GALNT13: variants seen among roughly 807,000 people sequenced by gnomAD.
GALNT13 encodes the protein UDP-GalNAc:polypeptide N-acetylgalactosaminyltransferase 13.
A neutral mutation model predicts 64.2 loss-of-function variants in GALNT13; 28 were observed. That is an observed-to-expected ratio of 0.44 (90% confidence interval 0.32 to 0.60). The LOEUF is 0.60. GALNT13 is among the 20% of genes least tolerant of loss of function. The pLI is 0.05. For synonymous variants in GALNT13, 214 were observed against 224.6 expected, an observed-to-expected ratio of 0.95 and a Z score of 0.42; for missense variants, 577 against 669.8, an observed-to-expected ratio of 0.86 and a Z score of 1.53.
At chr2:153,172,010 A>G in the GALNT13 span, 2 of 152,226 alleles carry the variant, frequency 1.3e-5, no homozygotes, top group Non-Finnish European at 2.9e-5. Context: ...GATGGGGTTC[A>G]TGTTGAAAGG....
chr2:153,259,937 T>C, the GALNT13 span, among the ~76,000 whole-genome samples: 1 of 152,204 alleles, frequency 6.6e-6, no homozygotes, highest in Non-Finnish European at 1.5e-5. Flanking sequence ...GATGGCATGC[T>C]TTAAATTCTT....
In GALNT13 at chr2:154,066,803, A is replaced by G. The variant is rs150779717; in HGVS notation, c.143-73534A>G. Among the ~76,000 whole-genome samples the G allele has an allele frequency of 8.1e-3, 1,234 of 152,242 alleles. 14 individuals carry two copies. The highest frequency in any genetic ancestry group is 0.028 in the African/African-American group (1,144 of 41,574). The stretch of plus-strand genomic sequence containing the variant: ...AAAATCATCTGAAGATATAAAACTC[A>G]CTGGTAATAGTAAGCACACAGAAAA... On this transcript the variant is annotated intron_variant, in intron 3 of 12. Coordinates refer to ENST00000392825, the MANE Select transcript of GALNT13 (RefSeq NM_052917.4).
the GALNT13 span, among the ~76,000 whole-genome samples, chr2:153,529,094 T>C: frequency 6.6e-6 from 1 of 151,532 alleles, no homozygotes; most frequent in Admixed American, 6.6e-5. Context: ...TAAATGAAAT[T>C]GAAATGAAGA....
chr2:153,197,547 G>A, the GALNT13 span, among the ~76,000 whole-genome samples: 19,539 of 152,360 alleles, frequency 0.13, 1,606 homozygotes, highest in Non-Finnish European at 0.18. Flanking sequence ...CTGGGGGCCA[G>A]TGCCAGGCCA....
chr2:154,367,589 A>G (rs1697442425), intron 9 of GALNT13, among the ~76,000 whole-genome samples: 2 of 152,194 alleles, frequency 1.3e-5, no homozygotes, highest in African/African-American at 4.8e-5. Flanking sequence ...TAAAATAACA[A>G]TAGAATTGGC....
At chr2:153,125,569 T>C in the GALNT13 span, among the ~76,000 whole-genome samples, 5 of 152,198 alleles carry the variant, frequency 3.3e-5, no homozygotes, top group Non-Finnish European at 5.9e-5. Context: ...ATTTTAAGTA[T>C]GCAGGCATAT....
At chr2:153,704,184 C>T in the GALNT13 span, among the ~76,000 whole-genome samples, 1 of 152,006 alleles carries the variant, frequency 6.6e-6, no homozygotes, top group Non-Finnish European at 1.5e-5. Context: ...TTCTCATTAC[C>T]AGAACATTAA....
At chr2:154,022,639 A>G (rs1329178826) in intron 3 of GALNT13, among the ~76,000 whole-genome samples, 1 of 152,100 alleles carries the variant, frequency 6.6e-6, no homozygotes, top group East Asian at 1.9e-4. Flanking sequence ...ATCTGTTCAA[A>G]AAACCAGCTC....
At chr2:153,891,383 C>T (rs562955796) in intron 1 of GALNT13, among the ~76,000 whole-genome samples, 26 of 152,000 alleles carry the variant, frequency 1.7e-4, no homozygotes, top group African/African-American at 6.3e-4. Flanking sequence ...TCTCAAATTC[C>T]ACTGTTAGCT....
At chr2:153,564,726 T>C in the GALNT13 span, among the ~76,000 whole-genome samples, 85 of 152,252 alleles carry the variant, frequency 5.6e-4, no homozygotes, top group Middle Eastern at 3.4e-3. Context: ...TCTTACAAAA[T>C]TACTATCATA....
At chr2:153,720,476 G>A in the GALNT13 span, among the ~76,000 whole-genome samples, 1 of 148,832 alleles carries the variant, frequency 6.7e-6, no homozygotes, top group African/African-American at 2.4e-5. Context: ...ATTTTGACGA[G>A]CTGAGAGAGG....
At chr2:153,765,302 G>A in the GALNT13 span, among the ~76,000 whole-genome samples, 2 of 152,150 alleles carry the variant, frequency 1.3e-5, no homozygotes, top group Non-Finnish European at 2.9e-5. Flanking sequence ...GGGTGGCACT[G>A]CCTAAGCCCA....
At chr2:153,723,715 G>A in the GALNT13 span, among the ~76,000 whole-genome samples, 2 of 152,038 alleles carry the variant, frequency 1.3e-5, no homozygotes, top group Admixed American at 1.3e-4. Flanking sequence ...TTGCTTCAAA[G>A]GGAATAAAAT....
chr2:153,976,950 C>T (rs1330934965), intron 3 of GALNT13, among the ~76,000 whole-genome samples: 1 of 152,062 alleles, frequency 6.6e-6, no homozygotes, highest in East Asian at 1.9e-4. Flanking sequence ...TAAGCACTTG[C>T]ACTATACCTC....
chr2:154,195,858 G>A (rs1413753767), intron 4 of GALNT13, among the ~76,000 whole-genome samples: 2 of 152,076 alleles, frequency 1.3e-5, no homozygotes, highest in East Asian at 1.9e-4. Flanking sequence ...CTATTCTGGT[G>A]CCCCAACCCC....
chr2:153,380,994 A>G, the GALNT13 span, among the ~76,000 whole-genome samples: 3 of 151,960 alleles, frequency 2.0e-5, no homozygotes, highest in African/African-American at 4.8e-5. Flanking sequence ...GCTGGAGTGC[A>G]GTGGTGCAGT....
At chr2:154,273,506 C>T (rs141026153) in intron 8 of GALNT13, among the ~76,000 whole-genome samples, 223 of 152,208 alleles carry the variant, frequency 1.5e-3, no homozygotes, top group African/African-American at 5.2e-3. Flanking sequence ...TTAATGTGTA[C>T]CTATTTGCCA....
At chr2:153,543,961 A>G in the GALNT13 span, among the ~76,000 whole-genome samples, 1 of 152,250 alleles carries the variant, frequency 6.6e-6, no homozygotes, top group East Asian at 1.9e-4. Context: ...GCCGTTTATA[A>G]AGGGCTGCAG....
intron 4 of GALNT13, among the ~76,000 whole-genome samples, chr2:154,150,779 G>C (rs569581465): frequency 4.6e-5 from 7 of 151,922 alleles, no homozygotes; most frequent in South Asian, 2.1e-4. Context: ...GGTGATATCC[G>C]CTTTATCATT....
Sources: gnomAD v4.1 joint callset for allele counts (sites outside exome capture counted in the v4.1 genomes callset) on GRCh38, gnomAD v4.1.1 for gene constraint, MANE v1.5 for transcripts, NCBI Gene and HGNC (gene_info 2026-07-23, HGNC 2026-07-21) for gene names.